Variants in IRAK3 observed in about 807,000 individuals in gnomAD.
The protein encoded by IRAK3 is interleukin-1 receptor-associated kinase 3.
A neutral mutation model predicts 56.6 loss-of-function variants in IRAK3; 57 were observed. The observed-to-expected ratio is 1.01, with a 90% confidence interval of 0.81 to 1.26. The LOEUF (loss-of-function observed/expected upper bound fraction) is 1.26. Ranked by LOEUF, IRAK3 falls within the 50% of genes most tolerant of loss-of-function variation. The pLI is 0.00. For synonymous variants in IRAK3, 258 were observed against 255.7 expected, an observed-to-expected ratio of 1.01 and a Z score of -0.09; for missense variants, 703 against 719.0, an observed-to-expected ratio of 0.98 and a Z score of 0.25.
chr12:66,252,585 C>A lies in IRAK3; in HGVS notation c.*4414C>A, dbSNP rs1002403958. The A allele has an allele frequency of 3.3e-5, 5 of 152,336 alleles. No individual in the cohort carries two copies. Among genetic ancestry groups the A allele is most frequent in the Admixed American group, 3.3e-4 (5 of 15,294 alleles). The allele number at this position is 152,336 out of a possible 1,614,324, so 9.4% of individuals were successfully genotyped here. On this transcript the variant is annotated 3_prime_UTR_variant, in exon 12 of 12. Transcript: ENST00000261233. ...TTGAATAAATACTTAGCAATGGCTT[C>A]CTTTGTATCAGGCACTATTCTAGGA... is the stretch of plus-strand genomic sequence containing the variant.
intron 8 of IRAK3, among the ~76,000 whole-genome samples, chr12:66,228,662 T>C (rs2052813530): frequency 7.9e-6 from 1 of 125,926 alleles, no homozygotes; most frequent in Non-Finnish European, 1.8e-5. Context: ...TTTATGATGA[T>C]TCAACAAAAT....
chr12:66,237,914 T>C (rs1323769931), intron 8 of IRAK3, among the ~76,000 whole-genome samples: 2 of 152,228 alleles, frequency 1.3e-5, no homozygotes, highest in African/African-American at 4.8e-5. Context: ...CCTCTTTACA[T>C]AATTGATTAT....
At chr12:66,190,760 T>A (rs778842438) in intron 1 of IRAK3, among the ~76,000 whole-genome samples, 1 of 152,202 alleles carries the variant, frequency 6.6e-6, no homozygotes, top group Non-Finnish European at 1.5e-5. Context: ...CTGGTACAAA[T>A]TGGTTAAGTA....
chr12:66,228,441 A>G (rs1340711513), intron 8 of IRAK3, 71 bp downstream of exon 8: 8 of 990,186 alleles, frequency 8.1e-6, no homozygotes, highest in East Asian at 2.4e-5. Context: ...CATACTTCAC[A>G]CTATTCTCTG....
At chr12:66,237,453 A>G (rs1379039109) in intron 8 of IRAK3, among the ~76,000 whole-genome samples, 1 of 152,212 alleles carries the variant, frequency 6.6e-6, no homozygotes, top group Non-Finnish European at 1.5e-5. Flanking sequence ...AAAAGGAGAT[A>G]AAAGCTCATT....
At chr12:66,243,536 CCTT>C (rs929438727) in intron 8 of IRAK3, among the ~76,000 whole-genome samples, 1 of 152,206 alleles carries the variant, frequency 6.6e-6, no homozygotes, top group Non-Finnish European at 1.5e-5. Context: ...TGCCCCACCT[CCTT>C]CTCAATATCC....
chr12:66,211,613 C>T lies in IRAK3; in HGVS notation c.588+16C>T, dbSNP rs1404831622. On this transcript the variant is annotated intron_variant, in intron 5 of 11. Transcript: ENST00000261233. ...ATTTAAACAGGTATGGAAAGAATTA[C>T]TGTCACAGGACATCAGTTCCACTTA... 1.3e-6 allele frequency: 2 copies of T among 1,594,716 alleles called. No homozygotes were observed. The highest frequency in any genetic ancestry group is 2.2e-5 in the South Asian group (2 of 90,456).
chr12:66,234,409 A>G, intron 8 of IRAK3: 1 of 1,610,736 alleles, frequency 6.2e-7, no homozygotes, highest in Non-Finnish European at 8.5e-7. Flanking sequence ...AGGCAGATAC[A>G]GGAGATACAA....
intron 5 of IRAK3, among the ~76,000 whole-genome samples, chr12:66,216,833 AG>A (rs2052681524): frequency 6.6e-6 from 1 of 152,238 alleles, no homozygotes; most frequent in Admixed American, 6.5e-5. Flanking sequence ...ATTCTTTATA[AG>A]ATCAAGTTGG....
chr12:66,213,796 A>G lies in IRAK3; in HGVS notation c.588+2199A>G, dbSNP rs1242149444. Among the ~76,000 whole-genome samples, 7 of 151,944 alleles carry G rather than the reference A, an allele frequency of 4.6e-5. No individual in the cohort carries two copies. In the South Asian group the frequency reaches 1.0e-3, roughly 23 times the overall value. ...TCTACTAATTAAAAAAAAAAAAAAA[A>G]AAGATAGCGACTCTCTCCTCCCAGA... On this transcript the variant is annotated intron_variant, in intron 5 of 11. Coordinates refer to ENST00000261233, the MANE Select transcript of IRAK3 (RefSeq NM_007199.3).
chr12:66,218,787 A>G (rs1451045350), intron 6 of IRAK3, among the ~76,000 whole-genome samples: 1 of 152,220 alleles, frequency 6.6e-6, no homozygotes, highest in Non-Finnish European at 1.5e-5. Context: ...TGTTCATTGT[A>G]CAATGGAAAG....
chr12:66,213,613 A>G (rs1361126775), intron 5 of IRAK3, among the ~76,000 whole-genome samples: 4 of 152,102 alleles, frequency 2.6e-5, no homozygotes, highest in Admixed American at 1.3e-4. Context: ...AGTGTAAACT[A>G]CGGTAATAAT....
intron 8 of IRAK3, chr12:66,234,032 A>C: frequency 1.9e-6 from 3 of 1,602,598 alleles, no homozygotes; most frequent in Non-Finnish European, 2.6e-6. Context: ...CAGCCTTCAC[A>C]CCCTTCTTCA....
At chr12:66,197,981 C>T (rs574788454) in intron 1 of IRAK3, 1 of 985,304 alleles carries the variant, frequency 1.0e-6, no homozygotes, top group African/African-American at 1.7e-5. Context: ...TTCCCTGGGA[C>T]TTGAAATGTT....
At chr12:66,191,569 T>C (rs1444183751) in intron 1 of IRAK3, among the ~76,000 whole-genome samples, 4 of 152,204 alleles carry the variant, frequency 2.6e-5, no homozygotes, top group Non-Finnish European at 5.9e-5. Flanking sequence ...CAGGTGGTCA[T>C]GCCTACTGAC....
chr12:66,206,751 CT>C (rs1194078333), intron 2 of IRAK3, among the ~76,000 whole-genome samples: 1 of 152,184 alleles, frequency 6.6e-6, no homozygotes, highest in African/African-American at 2.4e-5. Context: ...ATTGTTCTAT[CT>C]TTTTCTATTC....
chr12:66,232,629 C>T (rs567970003), intron 8 of IRAK3, among the ~76,000 whole-genome samples: 1 of 152,296 alleles, frequency 6.6e-6, no homozygotes, highest in South Asian at 2.1e-4. Context: ...TAAATGAATC[C>T]TCCACTGTGC....
chr12:66,228,054 A>C (rs1187268247), intron 7 of IRAK3, among the ~76,000 whole-genome samples, 198 bp from the exon 8 acceptor site: 1 of 152,230 alleles, frequency 6.6e-6, no homozygotes, highest in Non-Finnish European at 1.5e-5. Context: ...TGTCTATAAA[A>C]GAGGCCTAGA....
chr12:66,213,340 G>C lies in IRAK3; in HGVS notation c.588+1743G>C, dbSNP rs181547648. On this transcript the variant is annotated intron_variant, in intron 5 of 11. Coordinates refer to ENST00000261233, the MANE Select transcript of IRAK3 (RefSeq NM_007199.3). ...GGGAGCTACAATTCAAGATGAATTTGGGTGGGGACACAGCAAAACCATATC... is the reference window on the plus strand; with the variant it reads ...GGGAGCTACAATTCAAGATGAATTTCGGTGGGGACACAGCAAAACCATATC... Among the ~76,000 whole-genome samples, 4 of 152,296 alleles carry C rather than the reference G, an allele frequency of 2.6e-5. No homozygotes were observed. In the East Asian group the frequency reaches 5.8e-4, roughly 22 times the overall value.
Sources: gnomAD v4.1 joint callset for allele counts (sites outside exome capture counted in the v4.1 genomes callset) on GRCh38, gnomAD v4.1.1 for gene constraint, MANE v1.5 for transcripts, NCBI Gene and HGNC (gene_info 2026-07-23, HGNC 2026-07-21) for gene names.